PARP12: variants seen among roughly 807,000 people sequenced by gnomAD.
PARP12 encodes poly(ADP-ribose) polymerase family member 12.
A neutral mutation model predicts 72.4 loss-of-function variants in PARP12; 59 were observed. The observed-to-expected ratio is 0.81, with a 90% CI of 0.66 to 1.01. The LOEUF (loss-of-function observed/expected upper bound fraction) is 1.01. Ranked by LOEUF, PARP12 falls within the 50% of genes least tolerant of loss-of-function variation. The pLI, the probability that PARP12 is intolerant of heterozygous loss-of-function variation, is 0.00. For missense variants in PARP12, 851 were observed against 914.0 expected, an observed-to-expected ratio of 0.93 and a Z score of 0.89; for synonymous variants, 403 against 371.4, an observed-to-expected ratio of 1.09 and a Z score of -0.98.
At chr7:140,046,061 C>A (rs1380973803) in intron 5 of PARP12, among the ~76,000 whole-genome samples, 1 of 152,202 alleles carries the variant, frequency 6.6e-6, no homozygotes, top group Non-Finnish European at 1.5e-5. Flanking sequence ...ATGCTGGCTA[C>A]ACAAGTGTAT....
intron 4 of PARP12, among the ~76,000 whole-genome samples, chr7:140,053,657 G>C (rs975897048): frequency 1.3e-5 from 2 of 151,844 alleles, no homozygotes; most frequent in Non-Finnish European, 2.9e-5. Flanking sequence ...CATATTCCTT[G>C]ACCTATCATT....
At chr7:140,062,490 C>G in intron 1 of PARP12, 32 bp downstream of exon 1, 1 of 1,512,804 alleles carries the variant, frequency 6.6e-7, no homozygotes, top group South Asian at 1.2e-5. Context: ...GCAGGACCTC[C>G]GCCCGCCGTC....
At chr7:140,026,419 A>G in intron 10 of PARP12, 71 bp from the exon 11 acceptor site, 2 of 1,542,856 alleles carry the variant, frequency 1.3e-6, no homozygotes, top group South Asian at 2.5e-5. Context: ...CCTGATGCAA[A>G]ACAACACATT....
intron 1 of PARP12, among the ~76,000 whole-genome samples, chr7:140,058,656 G>A (rs914330380): frequency 4.6e-5 from 7 of 152,162 alleles, no homozygotes; most frequent in African/African-American, 1.7e-4. Context: ...CTCCAGAACT[G>A]TGACAAAATC....
In PARP12 at chr7:140,023,874, C is replaced by T. The variant is rs565737630; in HGVS notation, c.*686G>A. 2.6e-4 allele frequency: 41 copies of T among 156,782 alleles called. No homozygotes were observed. The highest frequency in any genetic ancestry group is 8.2e-4 in the African/African-American group (34 of 41,560). The allele number at this position is 156,782 out of a possible 1,614,324, so 9.7% of individuals were successfully genotyped here. On this transcript the variant is annotated 3_prime_UTR_variant, in exon 12 of 12. Coordinates refer to ENST00000263549, the MANE Select transcript of PARP12 (RefSeq NM_022750.4). ...AGTGTGCTTAGGAAATGTGGGTTTGCGCAATCACAGGCCAAGCCTGGGGGT... is the reference window on the plus strand; with the variant it reads ...AGTGTGCTTAGGAAATGTGGGTTTGTGCAATCACAGGCCAAGCCTGGGGGT...
chr7:140,053,826 G>A (rs973144116), intron 4 of PARP12, among the ~76,000 whole-genome samples: 1 of 152,140 alleles, frequency 6.6e-6, no homozygotes. Flanking sequence ...ATGTTAAGAT[G>A]CAGATTGAAT....
At chr7:140,044,174 A>G (rs1269043381) in intron 5 of PARP12, among the ~76,000 whole-genome samples, 1 of 152,196 alleles carries the variant, frequency 6.6e-6, no homozygotes, top group Non-Finnish European at 1.5e-5. Context: ...GATATTAAAA[A>G]CAGCCAGAGA....
Position 140,034,231 on chromosome 7 carries a change from C to T in PARP12, c.1421+4G>A. 4 of 1,611,928 alleles carry T rather than the reference C, an allele frequency of 2.5e-6. No homozygotes were observed. Among genetic ancestry groups the T allele is most frequent in the Middle Eastern group, 1.7e-4 (1 of 6,054 alleles). On this transcript the variant is annotated splice_donor_region_variant and intron_variant, in intron 8 of 11. Coordinates refer to ENST00000263549, the MANE Select transcript of PARP12 (RefSeq NM_022750.4). ...TAAGTACCAAGCCCCCCACTGCAACCTACCAGGTTTGCATGGTCGTCACAT... is the reference window on the plus strand; with the variant it reads ...TAAGTACCAAGCCCCCCACTGCAACTTACCAGGTTTGCATGGTCGTCACAT...
At chr7:140,028,853 T>G (rs773277631) in intron 8 of PARP12, 165 bp from the exon 9 acceptor site, 87 of 542,338 alleles carry the variant, frequency 1.6e-4, no homozygotes, top group Non-Finnish European at 2.4e-4. Flanking sequence ...ATTCACAACA[T>G]GAGAGCACTT....
At chr7:140,028,221 C>T (rs553627983) in intron 9 of PARP12, among the ~76,000 whole-genome samples, 88 of 152,304 alleles carry the variant, frequency 5.8e-4, no homozygotes, top group African/African-American at 2.0e-3. Context: ...AATGCCTTCC[C>T]TCCTGACAGT....
At chr7:140,047,043 C>T (rs1279100125) in intron 4 of PARP12, 36 bp from the exon 5 acceptor site, 1 of 1,584,398 alleles carries the variant, frequency 6.3e-7, no homozygotes, top group African/African-American at 1.3e-5. Context: ...GATAGCTGGG[C>T]AATACACAGC....
At chr7:140,034,781 T>C (rs1816083855) in intron 7 of PARP12, 1 of 156,524 alleles carries the variant, frequency 6.4e-6, no homozygotes, top group Non-Finnish European at 1.4e-5. Context: ...TCTAAACCAA[T>C]AATATCTTTA....
intron 6 of PARP12, 133 bp downstream of exon 6, chr7:140,041,511 G>C: frequency 1.2e-6 from 1 of 836,972 alleles, no homozygotes; most frequent in South Asian, 2.1e-5. Flanking sequence ...CCCAAAGCAA[G>C]TGAGCCACAC....
At chr7:140,026,138 G>C in intron 11 of PARP12, 59 bp downstream of exon 11, 1 of 1,613,102 alleles carries the variant, frequency 6.2e-7, no homozygotes, top group Non-Finnish European at 8.5e-7. Context: ...CTAGCAGTCT[G>C]TTCCTATGCA....
chr7:140,037,260 G>A (rs1410597551), intron 7 of PARP12, among the ~76,000 whole-genome samples: 1 of 152,214 alleles, frequency 6.6e-6, no homozygotes, highest in African/African-American at 2.4e-5. Context: ...GGAGGCGGAG[G>A]TTGCAGTGAG....
chr7:140,033,627 G>A (rs1816032005), intron 8 of PARP12: 1 of 985,308 alleles, frequency 1.0e-6, no homozygotes, highest in Admixed American at 6.1e-5. Context: ...ACCAGAGGTT[G>A]AGATAGGGTC....
chr7:140,044,051 T>A (rs1345193883), intron 5 of PARP12, among the ~76,000 whole-genome samples: 1 of 152,122 alleles, frequency 6.6e-6, no homozygotes, highest in African/African-American at 2.4e-5. Context: ...AAGGAATACT[T>A]AAGGAGATCA....
At chr7:140,029,074 A>G (rs1815843040) in intron 8 of PARP12, 1 of 153,622 alleles carries the variant, frequency 6.5e-6, no homozygotes, top group Non-Finnish European at 1.4e-5. Context: ...TGACATTTTA[A>G]AACTTTTTAT....
intron 1 of PARP12, among the ~76,000 whole-genome samples, chr7:140,062,030 G>T (rs567321703): frequency 4.6e-5 from 7 of 151,578 alleles, no homozygotes; most frequent in Non-Finnish European, 7.4e-5. Context: ...GGGTGGGCAG[G>T]GACCAGTGCC....
Sources: gnomAD v4.1 joint callset for allele counts (sites outside exome capture counted in the v4.1 genomes callset) on GRCh38, gnomAD v4.1.1 for gene constraint, MANE v1.5 for transcripts, NCBI Gene and HGNC (gene_info 2026-07-23, HGNC 2026-07-21) for gene names.